Variants in ARHGEF10L observed in about 807,000 individuals in gnomAD.
The protein encoded by ARHGEF10L is Rho guanine nucleotide exchange factor 10 like.
A neutral mutation model predicts 141.2 loss-of-function variants in ARHGEF10L; 69 were observed. The observed-to-expected ratio is 0.49, with a 90% CI of 0.40 to 0.60. ARHGEF10L has a LOEUF of 0.60. Ranked by LOEUF, ARHGEF10L falls within the 20% of genes least tolerant of loss-of-function variation. ARHGEF10L has a pLI of 0.00. For synonymous variants in ARHGEF10L, 711 were observed against 718.5 expected, an observed-to-expected ratio of 0.99 and a Z score of 0.17; for missense variants, 1,482 against 1,734.3, an observed-to-expected ratio of 0.85 and a Z score of 2.58.
the ARHGEF10L span, among the ~76,000 whole-genome samples, chr1:17,531,666 C>T: frequency 6.6e-6 from 1 of 152,134 alleles, no homozygotes; most frequent in Non-Finnish European, 1.5e-5. Flanking sequence ...GGCCTCCACA[C>T]AGCCTCCACA....
At position 17,623,309 on chromosome 1, in the gene ARHGEF10L, G is replaced by T; in HGVS notation, c.1200+134G>T. 2 of 1,089,192 alleles carry T rather than the reference G, an allele frequency of 1.8e-6. No individual in the cohort carries two copies. The highest frequency in any genetic ancestry group is 2.1e-4 in the Middle Eastern group (1 of 4,796). The allele number at this position is 1,089,192 out of a possible 1,614,324, so 67.5% of individuals were successfully genotyped here. On this transcript the variant is annotated intron_variant, in intron 12 of 28. Coordinates refer to ENST00000361221, the MANE Select transcript of ARHGEF10L (RefSeq NM_018125.4). The surrounding 1 kb of genome is among the most constrained non-coding windows in gnomAD (Gnocchi z 4.7). ...AGTCAGTGGGATTAGAGGGTGGCAG[G>T]GTCTTCTGGGCCTGATCTAGGGGTG...
At chr1:17,648,873 G>A (rs1213334228) in intron 22 of ARHGEF10L, among the ~76,000 whole-genome samples, 198 bp downstream of exon 22, 1 of 152,230 alleles carries the variant, frequency 6.6e-6, no homozygotes, top group Admixed American at 6.5e-5. Flanking sequence ...AAAAATGGAG[G>A]CGAACGACCA....
intron 25 of ARHGEF10L, among the ~76,000 whole-genome samples, chr1:17,659,570 C>T (rs559633825): frequency 4.6e-5 from 7 of 152,354 alleles, no homozygotes; most frequent in African/African-American, 1.7e-4. Context: ...GGAACTGCAC[C>T]CGCATCAACC....
chr1:17,567,422 A>G (rs1207677206), intron 1 of ARHGEF10L, among the ~76,000 whole-genome samples: 1 of 152,144 alleles, frequency 6.6e-6, no homozygotes, highest in Non-Finnish European at 1.5e-5. Flanking sequence ...GCTGGAGTAC[A>G]ATGGCGCGAT....
Position 17,581,449 on chromosome 1 carries a change from C to T in ARHGEF10L, c.37+817C>T, listed in dbSNP as rs568908206. ...AACCCTGGCACTGGGGCCTCAGACA[C>T]TGCAGGTGGAATCCAGGCCCCGCCT... is the stretch of plus-strand genomic sequence containing the variant. On this transcript the variant is annotated intron_variant, in intron 2 of 28. Transcript: ENST00000361221. Among the ~76,000 whole-genome samples the T allele has an allele frequency of 8.5e-5, 13 of 152,292 alleles. 2 individuals are homozygous for T. Among genetic ancestry groups the T allele is most frequent in the African/African-American group, 3.1e-4 (13 of 41,566 alleles).
At chr1:17,626,669 A>G (rs2060403680) in intron 14 of ARHGEF10L, among the ~76,000 whole-genome samples, 1 of 152,172 alleles carries the variant, frequency 6.6e-6, no homozygotes, top group Non-Finnish European at 1.5e-5. Flanking sequence ...AACCATTTCT[A>G]AGTGCATTCA....
chr1:17,605,877 G>T (rs1032887225), intron 6 of ARHGEF10L, among the ~76,000 whole-genome samples: 5 of 152,238 alleles, frequency 3.3e-5, no homozygotes, highest in African/African-American at 1.2e-4. Context: ...GAAGGTCGCA[G>T]CTGCTCCACT....
intron 1 of ARHGEF10L, among the ~76,000 whole-genome samples, chr1:17,541,550 G>T (rs565256738): frequency 1.2e-4 from 19 of 152,376 alleles, no homozygotes; most frequent in African/African-American, 3.1e-4. Flanking sequence ...ATAAGAGGAG[G>T]TTGGGTGTGG....
At chr1:17,637,201 A>T (rs573159248) in intron 18 of ARHGEF10L, among the ~76,000 whole-genome samples, 169 of 152,296 alleles carry the variant, frequency 1.1e-3, no homozygotes, top group African/African-American at 3.9e-3. Flanking sequence ...CTGGCACACG[A>T]TAGGTCCTCA....
intron 1 of ARHGEF10L, among the ~76,000 whole-genome samples, chr1:17,547,679 A>G (rs1048319389): frequency 1.3e-5 from 2 of 152,248 alleles, no homozygotes; most frequent in Non-Finnish European, 2.9e-5. Flanking sequence ...CATTACCCAC[A>G]ACCTTTGAAT....
chr1:17,643,203 TA>T, intron 21 of ARHGEF10L, among the ~76,000 whole-genome samples: 1 of 152,372 alleles, frequency 6.6e-6, no homozygotes, highest in African/African-American at 2.4e-5. Context: ...TAGAATATGT[TA>T]AAAACATTTA....
intron 1 of ARHGEF10L, among the ~76,000 whole-genome samples, chr1:17,567,117 C>A (rs549208330): frequency 1.3e-5 from 2 of 152,220 alleles, no homozygotes; most frequent in Non-Finnish European, 2.9e-5. Flanking sequence ...TTGGATAGAC[C>A]TGGCAAAGGC....
intron 27 of ARHGEF10L, chr1:17,694,512 C>G (rs1433551883): frequency 5.0e-6 from 1 of 200,940 alleles, no homozygotes; most frequent in African/African-American, 2.4e-5. Context: ...AGAGACAGAG[C>G]TGAGGGGAGA....
intron 1 of ARHGEF10L, among the ~76,000 whole-genome samples, chr1:17,542,922 G>C (rs1461587586): frequency 6.6e-6 from 1 of 152,168 alleles, no homozygotes; most frequent in Admixed American, 6.5e-5. Context: ...CCTGTCACCC[G>C]GCTAGACAAG....
At chr1:17,659,090 G>A (rs2062450996) in intron 25 of ARHGEF10L, among the ~76,000 whole-genome samples, 1 of 152,220 alleles carries the variant, frequency 6.6e-6, no homozygotes, top group African/African-American at 2.4e-5. Context: ...CAGTGTGTCA[G>A]GGAGTAGAGA....
chr1:17,676,837 C>T (rs1339700923), intron 26 of ARHGEF10L, among the ~76,000 whole-genome samples: 1 of 151,852 alleles, frequency 6.6e-6, no homozygotes, highest in East Asian at 1.9e-4. Context: ...GCTCTCCCTG[C>T]TGGGACTCTC....
intron 17 of ARHGEF10L, 111 bp downstream of exon 17, chr1:17,634,673 G>A: frequency 6.7e-7 from 1 of 1,501,080 alleles, no homozygotes; most frequent in Non-Finnish European, 9.0e-7. Flanking sequence ...CTTCTACCCT[G>A]GCGAGGGATC....
At chr1:17,544,440 G>A (rs1479856883) in intron 1 of ARHGEF10L, among the ~76,000 whole-genome samples, 2 of 151,222 alleles carry the variant, frequency 1.3e-5, no homozygotes, top group East Asian at 2.0e-4. Context: ...GACTACAGGC[G>A]TGCACCACTA....
rs556688433 is a variant in ARHGEF10L at position 17,603,368 on chromosome 1, G to A, written c.350-140G>A. 4.3e-5 allele frequency: 25 copies of A among 575,608 alleles called. No homozygotes were observed. Among genetic ancestry groups the A allele is most frequent in the African/African-American group, 2.9e-4 (15 of 51,422 alleles). 35.7% of individuals were successfully genotyped at this position (575,608 alleles called of 1,614,324 possible). A position where few individuals can be genotyped will look rare whatever the true frequency, so the allele number is the denominator to read the frequency against. On this transcript the variant is annotated intron_variant, in intron 5 of 28. Transcript: ENST00000361221. This position sits in a 1 kb window ranked among gnomAD's most constrained non-coding sequence, Gnocchi z 4.8. ...CCGGCATCCCCTGAGGGCAGCTGGC[G>A]GAGCTAAGGGCTGGGCTGGGCTATC...
Sources: gnomAD v4.1 joint callset for allele counts (sites outside exome capture counted in the v4.1 genomes callset) on GRCh38, gnomAD v4.1.1 for gene constraint, Gnocchi (gnomAD v3.1) non-coding constraint, MANE v1.5 for transcripts, NCBI Gene and HGNC (gene_info 2026-07-23, HGNC 2026-07-21) for gene names.